Variants in SOX13 observed in about 807,000 individuals in gnomAD.
SOX13 encodes the protein SRY-box transcription factor 13, also known as transcription factor SOX-13.
In SOX13, 28 loss-of-function variants were observed where a neutral mutation model predicts 71.8. That is an observed-to-expected ratio of 0.39 (90% CI 0.29 to 0.53). The LOEUF (loss-of-function observed/expected upper bound fraction) is 0.53, where lower values mean the gene tolerates loss of function less well. Among genes scored for constraint, SOX13 ranks in the 20% least tolerant of loss-of-function variants. SOX13 has a pLI of 0.70. For missense variants in SOX13, 627 were observed against 810.3 expected, an observed-to-expected ratio of 0.77 and a Z score of 2.75; for synonymous variants, 309 against 317.8, an observed-to-expected ratio of 0.97 and a Z score of 0.29.
rs1655901038 is a variant in SOX13 at position 204,081,267 on chromosome 1, G to A, written c.-2+7556G>A. Among the ~76,000 whole-genome samples the A allele has an allele frequency of 6.6e-6, 1 of 152,084 alleles. No homozygotes were observed. The highest frequency in any genetic ancestry group is 6.6e-5 in the Admixed American group (1 of 15,262). On this transcript the variant is annotated intron_variant, in intron 1 of 13. Coordinates refer to ENST00000367204, the MANE Select transcript of SOX13 (RefSeq NM_005686.3). This position sits in a 1 kb window ranked among gnomAD's most constrained non-coding sequence, Gnocchi z 4.3. ...GGCTCATATTCGTTTTCTTATTTCTGTAGTCTCTAAGAGTAATACAACAAT... is the reference window on the plus strand; with the variant it reads ...GGCTCATATTCGTTTTCTTATTTCTATAGTCTCTAAGAGTAATACAACAAT...
chr1:204,100,680 C>T (rs747048401), intron 1 of SOX13, among the ~76,000 whole-genome samples: 49 of 152,036 alleles, frequency 3.2e-4, no homozygotes, highest in South Asian at 6.3e-4. Flanking sequence ...AGAGGAAACG[C>T]AGCCTTTGGA....
intron 1 of SOX13, among the ~76,000 whole-genome samples, chr1:204,100,915 G>C (rs1184449853): frequency 6.6e-6 from 1 of 152,202 alleles, no homozygotes; most frequent in Non-Finnish European, 1.5e-5. Context: ...CTGGCCTAGA[G>C]CCTTGGCTGC....
At chr1:204,099,329 T>C (rs929563852) in intron 1 of SOX13, among the ~76,000 whole-genome samples, 2 of 151,962 alleles carry the variant, frequency 1.3e-5, no homozygotes, top group African/African-American at 4.8e-5. Flanking sequence ...GCTTAGCATG[T>C]AAGTAGTTGA....
intron 8 of SOX13, 85 bp from the exon 9 acceptor site, chr1:204,122,152 G>T: frequency 8.1e-7 from 1 of 1,234,824 alleles, no homozygotes; most frequent in Non-Finnish European, 1.1e-6. Flanking sequence ...TGTGTTCTGG[G>T]TATGCTCACC....
chr1:204,110,305 C>T (rs1223757578), intron 1 of SOX13, among the ~76,000 whole-genome samples: 5 of 147,118 alleles, frequency 3.4e-5, no homozygotes, highest in African/African-American at 1.2e-4. Flanking sequence ...TTTTTGTATT[C>T]TTTTGTAGAG....
In SOX13 at chr1:204,122,281, C is replaced by G. The variant is rs760673375; in HGVS notation, c.906C>G (p.Pro302=). 1.3e-4 allele frequency: 205 copies of G among 1,588,654 alleles called. 1 individual carries two copies. The highest frequency in any genetic ancestry group is 3.7e-5 in the Non-Finnish European group (43 of 1,168,004). Residue 302 remains proline (P), a synonymous_variant, in exon 9 of 14, where the codon CCC becomes CCG. Transcript: ENST00000367204. ...PLNLTAKPKA[P]ELPNTSSSPS... is the part of the protein sequence containing the mutation. ...ACCTCACAGCCAAGCCCAAGGCCCCCGAGCTGCCCAACACCTCCAGCTCCC... is the reference window on the plus strand; with the variant it reads ...ACCTCACAGCCAAGCCCAAGGCCCCGGAGCTGCCCAACACCTCCAGCTCCC...
Position 204,123,542 on chromosome 1 carries a change from G to A in SOX13, c.1232-119G>A. 1 of 1,096,814 alleles carries A rather than the reference G, an allele frequency of 9.1e-7. No homozygotes were observed. The highest frequency in any genetic ancestry group is 1.6e-5 in the African/African-American group (1 of 63,308). The allele number at this position is 1,096,814 out of a possible 1,614,324, so 67.9% of individuals were successfully genotyped here. A position where few individuals can be genotyped will look rare whatever the true frequency, so the allele number is the denominator to read the frequency against. The stretch of plus-strand genomic sequence containing the variant: ...CTGCCTTGCTCCTCCTCGGCTGGCT[G>A]CTGTGGGAGCCTCCTCAGTGCCTCC... On this transcript the variant is annotated intron_variant, in intron 11 of 13. Transcript: ENST00000367204. This position sits in a 1 kb window ranked among gnomAD's most constrained non-coding sequence, Gnocchi z 5.0.
At position 204,103,957 on chromosome 1, in the gene SOX13, G is replaced by A. The variant is rs1350236186; in HGVS notation, c.-1-8958G>A. Among the ~76,000 whole-genome samples, 5 of 152,176 alleles carry A rather than the reference G, an allele frequency of 3.3e-5. No homozygotes were observed. The South Asian group carries it at 6.2e-4, about 19-fold the overall frequency. ...AAGCAGTCCCATCTGTCTCTTTCTCGACCCACTCACTGGGTTGGGAGAAGA... is the reference window on the plus strand; with the variant it reads ...AAGCAGTCCCATCTGTCTCTTTCTCAACCCACTCACTGGGTTGGGAGAAGA... On this transcript the variant is annotated intron_variant, in intron 1 of 13. Coordinates refer to ENST00000367204, the MANE Select transcript of SOX13 (RefSeq NM_005686.3).
chr1:204,112,456 C>G (rs1656597508), intron 1 of SOX13, among the ~76,000 whole-genome samples: 1 of 143,200 alleles, frequency 7.0e-6, no homozygotes, highest in African/African-American at 2.5e-5. Context: ...AAAAAAAATG[C>G]ATTTGTATAC....
intron 1 of SOX13, among the ~76,000 whole-genome samples, chr1:204,076,679 C>T (rs796684786): frequency 1.3e-5 from 2 of 152,336 alleles, no homozygotes; most frequent in African/African-American, 4.8e-5. Flanking sequence ...CTCCTGTCCT[C>T]CTTTCTCAGA....
At position 204,117,705 on chromosome 1, in the gene SOX13, C is replaced by G. The variant is rs763875353; in HGVS notation, c.773C>G (p.Pro258Arg). 1 of 1,607,416 alleles carries G rather than the reference C, an allele frequency of 6.2e-7. No individual in the cohort carries two copies. ...CCCATTCAGCCCATTCCCTGCAAAC[C>G]AGGTGAGTGTGAGAAGGGAGGTTCC... ...ALPIQPIPCK[P>R]VEYPLQLLHS... Residue 258 changes from proline to arginine, a missense_variant and splice_region_variant, in exon 7 of 14, where the codon CCA becomes CGA. This residue lies in a region of SOX13 where 447 missense variants were observed against 532.2 expected (regional missense o/e 0.84). Transcript: ENST00000367204.
At chr1:204,120,970 A>T (rs1571593615) in intron 7 of SOX13, among the ~76,000 whole-genome samples, 2 of 150,252 alleles carry the variant, frequency 1.3e-5, no homozygotes, top group African/African-American at 4.9e-5. Context: ...TTAGTTTTGA[A>T]AATTTTAAAT....
chr1:204,105,183 G>A (rs758621030), intron 1 of SOX13, among the ~76,000 whole-genome samples: 35 of 152,308 alleles, frequency 2.3e-4, no homozygotes, highest in Admixed American at 3.9e-4. Flanking sequence ...TCGGGGCCTG[G>A]TAGGCACAAG....
intron 1 of SOX13, among the ~76,000 whole-genome samples, chr1:204,096,322 A>G (rs1656251978): frequency 7.3e-6 from 1 of 137,256 alleles, no homozygotes; most frequent in African/African-American, 2.8e-5. Flanking sequence ...TCACTGCGGC[A>G]TCAACCTCCT....
intron 13 of SOX13, 143 bp from the exon 14 acceptor site, chr1:204,125,715 A>G: frequency 1.1e-6 from 1 of 913,210 alleles, no homozygotes; most frequent in Non-Finnish European, 1.6e-6. Flanking sequence ...GGCCATCAGA[A>G]AGCAGGCTGG....
intron 1 of SOX13, among the ~76,000 whole-genome samples, chr1:204,093,922 A>G (rs1656197262): frequency 6.6e-6 from 1 of 152,172 alleles, no homozygotes; most frequent in Admixed American, 6.5e-5. Flanking sequence ...TAGCAACACT[A>G]TTATTTCCAC....
chr1:204,099,844 A>G (rs771566517), intron 1 of SOX13, among the ~76,000 whole-genome samples: 6 of 152,226 alleles, frequency 3.9e-5, no homozygotes, highest in Non-Finnish European at 7.3e-5. Context: ...TAAATGCTCA[A>G]TAAACGTTAG....
chr1:204,105,094 CGCCATGCTTTGAGCCACTGTCCCTCCAT>C (rs1553297108), intron 1 of SOX13, among the ~76,000 whole-genome samples: 4 of 152,026 alleles, frequency 2.6e-5, no homozygotes, highest in Non-Finnish European at 4.4e-5. Context: ...GTCATATAAG[CGCCATGCTTTGAGCCACTGTCCCTCCAT>C]GGAGGCGGGT....
At chr1:204,079,116 G>A (rs893956490) in intron 1 of SOX13, among the ~76,000 whole-genome samples, 6 of 152,014 alleles carry the variant, frequency 3.9e-5, no homozygotes, top group Non-Finnish European at 7.4e-5. Flanking sequence ...GGCTAAGACG[G>A]TGAAACCCTG....
Sources: allele counts gnomAD v4.1 joint callset (sites outside exome capture counted in the v4.1 genomes callset), GRCh38; gene constraint gnomAD v4.1.1; regional missense constraint gnomAD v4.1.1; non-coding constraint Gnocchi (gnomAD v3.1); transcripts MANE v1.5; gene names NCBI Gene and HGNC (gene_info 2026-07-23, HGNC 2026-07-21).